DSCAML1: variants seen among roughly 807,000 people sequenced by gnomAD.
DSCAML1 encodes the protein DS cell adhesion molecule like 1.
DSCAML1 carries 38 observed loss-of-function variants against 200.5 expected under a neutral mutation model. That is an observed-to-expected ratio of 0.19 (90% CI 0.15 to 0.25). DSCAML1 has a LOEUF of 0.25. Among genes scored for constraint, DSCAML1 ranks in the 10% least tolerant of loss-of-function variants. The pLI is 1.00. For synonymous variants in DSCAML1, 1,215 were observed against 1,165.0 expected (o/e 1.04, Z -0.87); for missense variants, 2,223 against 2,858.8 (o/e 0.78, Z 5.07).
rs561012124 is a variant in DSCAML1 at position 117,448,642 on chromosome 11, G to A, written c.3708+1907C>T. Among the ~76,000 whole-genome samples, 16 of 146,228 alleles carry A rather than the reference G, an allele frequency of 1.1e-4. No individual in the cohort carries two copies. In the East Asian group the frequency reaches 3.1e-3, roughly 29 times the overall value. On this transcript the variant is annotated intron_variant, in intron 20 of 32. Coordinates refer to ENST00000651296, the MANE Select transcript of DSCAML1 (RefSeq NM_020693.4). Reference sequence around the variant, plus strand: ...CCTAGAATGTGTGTGTGTGTGTGGGGGGTGGGTAGAGTTGGGGGGAGACGG... The same window carrying A: ...CCTAGAATGTGTGTGTGTGTGTGGGAGGTGGGTAGAGTTGGGGGGAGACGG...
chr11:117,765,905 C>T (rs1316912646), intron 3 of DSCAML1, among the ~76,000 whole-genome samples: 2 of 152,164 alleles, frequency 1.3e-5, no homozygotes, highest in African/African-American at 4.8e-5. Flanking sequence ...ACAAAAGAGA[C>T]TCCAAGCAAG....
intron 3 of DSCAML1, among the ~76,000 whole-genome samples, chr11:117,765,193 TG>T (rs1307072595): frequency 6.6e-6 from 1 of 152,216 alleles, no homozygotes; most frequent in African/African-American, 2.4e-5. Context: ...CCCTCCATAC[TG>T]GGATGCAGAA....
upstream of DSCAML1, among the ~76,000 whole-genome samples, chr11:117,798,722 G>T (rs2055626884): frequency 6.6e-6 from 1 of 151,958 alleles, no homozygotes; most frequent in South Asian, 2.1e-4. Context: ...ATCCTTTTGT[G>T]CTTGGCTTAC....
intron 15 of DSCAML1, among the ~76,000 whole-genome samples, chr11:117,470,346 C>CGG (rs1475711066): frequency 6.6e-6 from 1 of 152,132 alleles, no homozygotes; most frequent in Non-Finnish European, 1.5e-5. Flanking sequence ...GAGGCCAAGG[C>CGG]GGGCGGATCA....
intron 3 of DSCAML1, among the ~76,000 whole-genome samples, chr11:117,770,300 C>T (rs1352372717): frequency 2.0e-5 from 3 of 152,200 alleles, no homozygotes; most frequent in Non-Finnish European, 4.4e-5. Flanking sequence ...TGAATTGCCT[C>T]GGATCTATCA....
At chr11:117,631,590 C>T (rs2052174766) in intron 3 of DSCAML1, among the ~76,000 whole-genome samples, 1 of 152,184 alleles carries the variant, frequency 6.6e-6, no homozygotes, top group South Asian at 2.1e-4. Context: ...TTGAAAGAAG[C>T]CCAAAGGGAG....
Position 117,766,271 on chromosome 11 carries a change from C to T in DSCAML1, c.511+10520G>A, listed in dbSNP as rs549008631. ...GAAGTGCCATCTATACATAGCTCTA[C>T]CATTCTGTAAGCACCGTTGGCTTCT... On this transcript the variant is annotated intron_variant, in intron 3 of 32. Coordinates refer to ENST00000651296, the MANE Select transcript of DSCAML1 (RefSeq NM_020693.4). Among the ~76,000 whole-genome samples, 11 of 152,340 alleles carry T rather than the reference C, an allele frequency of 7.2e-5. No homozygotes were observed. In the South Asian group the frequency reaches 2.3e-3, roughly 32 times the overall value.
chr11:117,667,140 G>C (rs1032349210), intron 3 of DSCAML1, among the ~76,000 whole-genome samples: 2 of 152,204 alleles, frequency 1.3e-5, no homozygotes, highest in African/African-American at 4.8e-5. Flanking sequence ...GGTTGGGCAC[G>C]ATGGCTCACG....
chr11:117,445,334 G>GT (rs2048155407), intron 20 of DSCAML1, among the ~76,000 whole-genome samples: 1 of 152,162 alleles, frequency 6.6e-6, no homozygotes, highest in Non-Finnish European at 1.5e-5. Flanking sequence ...AGGAGGTCCG[G>GT]GGGGGCAGGT....
chr11:117,767,371 T>C (rs1019120475), intron 3 of DSCAML1, among the ~76,000 whole-genome samples: 5 of 152,178 alleles, frequency 3.3e-5, no homozygotes, highest in Admixed American at 2.6e-4. Flanking sequence ...AAAGCACTTA[T>C]CACGGACGAG....
Position 117,518,638 on chromosome 11 carries a change from C to A in DSCAML1, c.1338G>T (p.Glu446Asp), listed in dbSNP as rs1307115984. The change falls in exon 7 of 33, where the codon GAG (glutamate) becomes GAT (aspartate). Residue 446 changes from glutamate to aspartate, a missense_variant. Physicochemically the swap from Glu to Asp is conservative, Grantham distance 45 (BLOSUM62 2). Coordinates refer to ENST00000651296, the MANE Select transcript of DSCAML1 (RefSeq NM_020693.4). The surrounding 1 kb of genome is among the most constrained non-coding windows in gnomAD (Gnocchi z 6.3). ...PPTVTWALDD[E>D]PIVRDGSHRT... ...GGTGGCTGCCATCCCGCACGATGGG[C>A]TCATCGTCGAGGGCCCAGGTGACCG... 9.9e-6 allele frequency: 16 copies of A among 1,613,326 alleles called. No individual in the cohort carries two copies. Among genetic ancestry groups the A allele is most frequent in the African/African-American group, 1.3e-5 (1 of 74,930 alleles).
chr11:117,449,650 C>G (rs1663770595), intron 20 of DSCAML1, among the ~76,000 whole-genome samples: 1 of 152,168 alleles, frequency 6.6e-6, no homozygotes, highest in South Asian at 2.1e-4. Flanking sequence ...TTGCTTCCAG[C>G]CCTGGGCACA....
At chr11:117,715,457 T>C (rs1049043472) in intron 3 of DSCAML1, among the ~76,000 whole-genome samples, 5 of 152,228 alleles carry the variant, frequency 3.3e-5, no homozygotes, top group African/African-American at 9.6e-5. Context: ...CCATTCTCTT[T>C]TACAACAGAA....
chr11:117,638,487 AAC>A (rs2052336982), intron 3 of DSCAML1, among the ~76,000 whole-genome samples: 1 of 152,088 alleles, frequency 6.6e-6, no homozygotes, highest in South Asian at 2.1e-4. Flanking sequence ...TTGATTTTAA[AAC>A]AGTTTTCATC....
chr11:117,670,650 C>G (rs1299947648), intron 3 of DSCAML1, among the ~76,000 whole-genome samples: 3 of 152,142 alleles, frequency 2.0e-5, no homozygotes, highest in Non-Finnish European at 4.4e-5. Flanking sequence ...GTTCACTAAG[C>G]AGCATAACTC....
At chr11:117,633,475 A>C (rs2052216229) in intron 3 of DSCAML1, among the ~76,000 whole-genome samples, 1 of 152,132 alleles carries the variant, frequency 6.6e-6, no homozygotes, top group African/African-American at 2.4e-5. Flanking sequence ...GGCTGTACCT[A>C]TCTTATCTGC....
At chr11:117,548,456 T>C (rs1432043447) in intron 3 of DSCAML1, among the ~76,000 whole-genome samples, 2 of 152,168 alleles carry the variant, frequency 1.3e-5, no homozygotes, top group Non-Finnish European at 2.9e-5. Flanking sequence ...AAGGCCCCTC[T>C]TAGACCCTCT....
chr11:117,768,022 C>G (rs748132035), intron 3 of DSCAML1, among the ~76,000 whole-genome samples: 1 of 152,264 alleles, frequency 6.6e-6, no homozygotes, highest in Non-Finnish European at 1.5e-5. Flanking sequence ...GTGTCCTCAC[C>G]TGTAAAATGG....
rs749931026 is a variant in DSCAML1 at position 117,437,949 on chromosome 11, T to C, written c.4378A>G (p.Ser1460Gly). 1 of 1,613,824 alleles carries C rather than the reference T, an allele frequency of 6.2e-7. No individual in the cohort carries two copies. The highest frequency in any genetic ancestry group is 1.7e-5 in the Admixed American group (1 of 60,018). Residue 1460 changes from serine (S) to glycine (G), a missense_variant, in exon 25 of 33, where the codon AGC (serine) becomes GGC (glycine). Ser to Gly is a moderately conservative substitution (Grantham distance 56). Coordinates refer to ENST00000651296, the MANE Select transcript of DSCAML1 (RefSeq NM_020693.4). This position sits in a 1 kb window ranked among gnomAD's most constrained non-coding sequence, Gnocchi z 5.3. ...WYKVKLAAKN[S>G]VGSGRISEII... The stretch of plus-strand genomic sequence containing the variant: ...TCGCTGATGCGCCCAGAGCCCACGC[T>C]GTTCTTGGCTGCCAGCTTCACCTTG...
Sources: allele counts gnomAD v4.1 joint callset (sites outside exome capture counted in the v4.1 genomes callset), GRCh38; gene constraint gnomAD v4.1.1; non-coding constraint Gnocchi (gnomAD v3.1); transcripts MANE v1.5; gene names NCBI Gene and HGNC (gene_info 2026-07-23, HGNC 2026-07-21).